Variants in EPAS1 observed in about 807,000 individuals in gnomAD.
The protein encoded by EPAS1 is endothelial PAS domain protein 1.
In EPAS1, 23 loss-of-function variants were observed where a neutral mutation model predicts 87.9. That is an observed-to-expected ratio of 0.26 (90% CI 0.19 to 0.37). The LOEUF is 0.37. Ranked by LOEUF, EPAS1 falls within the 10% of genes least tolerant of loss-of-function variation. The probability of loss-of-function intolerance (pLI) is 1.00; values close to 1 mark genes in which losing one functional copy is unlikely to be tolerated. For missense variants in EPAS1, 1,138 were observed against 1,120.7 expected, an observed-to-expected ratio of 1.02 and a Z score of -0.22; for synonymous variants, 508 against 444.3, an observed-to-expected ratio of 1.14 and a Z score of -1.80.
Position 46,380,326 on chromosome 2 carries a change from T to G in EPAS1, c.1654T>G (p.Leu552Val). The G allele has an allele frequency of 6.2e-7, 1 of 1,614,142 alleles. No individual in the cohort carries two copies. Among genetic ancestry groups the G allele is most frequent in the Non-Finnish European group, 8.5e-7 (1 of 1,180,010 alleles). ...CCCCATCTGCCCCGAGGAGCGGCTC[T>G]TGGCGGAGAACCCACAGTCCACCCC... ...LSPICPEERL[L>V]AENPQSTPQH... Residue 552 changes from leucine (L) to valine (V), a missense_variant, in exon 12 of 16, where the codon TTG (leucine) becomes GTG (valine). This residue lies in a region of EPAS1 where 502 missense variants were observed against 427.1 expected (regional missense o/e 1.18). Transcript: ENST00000263734. The surrounding 1 kb of genome is among the most constrained non-coding windows in gnomAD (Gnocchi z 4.4).
At position 46,361,098 on chromosome 2, in the gene EPAS1, G is replaced by T. The variant is rs201393458; in HGVS notation, c.779+8G>T. Reference sequence around the variant, plus strand: ...CACCTACTGTGATGACAGGTAGGGGGCCATGGGTGTGTATGCTGTGGGCAG... The same window carrying T: ...CACCTACTGTGATGACAGGTAGGGGTCCATGGGTGTGTATGCTGTGGGCAG... On this transcript the variant is annotated splice_region_variant and intron_variant, in intron 6 of 15. Coordinates refer to ENST00000263734, the MANE Select transcript of EPAS1 (RefSeq NM_001430.5). 2.0e-3 allele frequency: 3,289 copies of T among 1,613,904 alleles called. 6 individuals are homozygous for T. The highest frequency in any genetic ancestry group is 3.1e-3 in the Admixed American group (188 of 60,014).
rs1558608461 is a variant in EPAS1, at chr2:46,375,181, AAAAAAAAAC to A, written c.887-500_887-492del. Among the ~76,000 whole-genome samples the A allele has an allele frequency of 1.4e-5, 2 of 143,282 alleles. No individual in the cohort carries two copies. The highest frequency in any genetic ancestry group is 2.7e-5 in the African/African-American group (1 of 36,908). 94.0% of individuals were successfully genotyped at this position (143,282 alleles called of 152,430 possible). ...GGGTATTGGTGGTGGGTCTGCTGAA[AAAAAAAAAC>A]AAAAAAAAACAAAAAAAACTGCCCT... is the stretch of plus-strand genomic sequence containing the variant. On this transcript the variant is annotated intron_variant, in intron 7 of 15. Transcript: ENST00000263734. This position sits in a 1 kb window ranked among gnomAD's most constrained non-coding sequence, Gnocchi z 4.1.
chr2:46,385,534 T>C lies in EPAS1; in HGVS notation c.*874T>C, dbSNP rs745577789. ...CTTAGTGTTGTGGACACTGCAGACT[T>C]GTCCAGTGCTCCCACGGCCTGTACG... On this transcript the variant is annotated 3_prime_UTR_variant, in exon 16 of 16. Coordinates refer to ENST00000263734, the MANE Select transcript of EPAS1 (RefSeq NM_001430.5). The C allele has an allele frequency of 1.3e-5, 2 of 152,262 alleles. No individual in the cohort carries two copies. The highest frequency in any genetic ancestry group is 2.9e-5 in the Non-Finnish European group (2 of 68,050). The allele number at this position is 152,262 out of a possible 1,614,324, so 9.4% of individuals were successfully genotyped here. A position where few individuals can be genotyped will look rare whatever the true frequency, so the allele number is the denominator to read the frequency against.
intron 1 of EPAS1, among the ~76,000 whole-genome samples, chr2:46,302,868 T>C (rs1188009499): frequency 2.0e-5 from 3 of 151,956 alleles, no homozygotes; most frequent in African/African-American, 7.3e-5. Flanking sequence ...GGTCAGGAGT[T>C]TGAGACCAGC....
In EPAS1 at chr2:46,381,644, C is replaced by A. The variant is rs1254603553; in HGVS notation, c.2094C>A (p.Ala698=). ...GARGPDVLSP[A]MVALSNKLKL... The stretch of plus-strand genomic sequence containing the variant: ...GAGGCCCAGACGTGCTGAGTCCGGC[C>A]ATGGTAGCCCTCTCCAACAAGCTGA... Residue 698 remains alanine (A), a synonymous_variant, in exon 13 of 16, where the codon GCC becomes GCA. Coordinates refer to ENST00000263734, the MANE Select transcript of EPAS1 (RefSeq NM_001430.5). 6.2e-7 allele frequency: 1 copy of A among 1,614,042 alleles called. No homozygotes were observed. The highest frequency in any genetic ancestry group is 1.1e-5 in the South Asian group (1 of 91,080).
chr2:46,356,136 C>CA lies in EPAS1; in HGVS notation c.218-15_218-14insA, dbSNP rs747412289. ...CCACATTCATGCAAGCTGTCCCACC[C>CA]CCCCCCCTTTCCAGTTTGCTCTGAA... On this transcript the variant is annotated splice_polypyrimidine_tract_variant and intron_variant, in intron 2 of 15. Coordinates refer to ENST00000263734, the MANE Select transcript of EPAS1 (RefSeq NM_001430.5). The CA allele has an allele frequency of 1.0e-5, 13 of 1,275,030 alleles. No individual in the cohort carries two copies. The highest frequency in any genetic ancestry group is 4.8e-5 in the South Asian group (4 of 84,032). The allele number at this position is 1,275,030 out of a possible 1,614,324, so 79.0% of individuals were successfully genotyped here.
At chr2:46,324,334 T>A (rs1458267930) in intron 1 of EPAS1, among the ~76,000 whole-genome samples, 2 of 152,232 alleles carry the variant, frequency 1.3e-5, no homozygotes, top group East Asian at 3.8e-4. Flanking sequence ...CCCAAGGTGC[T>A]AGGATTACAG....
chr2:46,332,548 T>G (rs973967097), intron 1 of EPAS1, among the ~76,000 whole-genome samples: 2 of 151,922 alleles, frequency 1.3e-5, no homozygotes, highest in African/African-American at 4.8e-5. Context: ...AGGAGTAGAG[T>G]AGAGTGGACT....
At position 46,347,225 on chromosome 2, in the gene EPAS1, ATCTCTCT is replaced by A. The variant is rs1324922203; in HGVS notation, c.217+165_217+171del. ...AGTGATTTATTCCTTCATGTTAAACATCTCTCTTCCAGCAGTGACCTTTACCGTGAAT... is the reference window on the plus strand; with the variant it reads ...AGTGATTTATTCCTTCATGTTAAACATCCAGCAGTGACCTTTACCGTGAAT... On this transcript the variant is annotated intron_variant, in intron 2 of 15. Transcript: ENST00000263734. This position sits in a 1 kb window ranked among gnomAD's most constrained non-coding sequence, Gnocchi z 4.2. 4.5e-5 allele frequency: 35 copies of A among 773,832 alleles called. No individual in the cohort carries two copies. The highest frequency in any genetic ancestry group is 7.4e-5 in the Non-Finnish European group (34 of 460,122). 47.9% of individuals were successfully genotyped at this position (773,832 alleles called of 1,614,324 possible). A position where few individuals can be genotyped will look rare whatever the true frequency, so the allele number is the denominator to read the frequency against.
rs151143398 is a variant in EPAS1 at position 46,302,649 on chromosome 2, G to A, written c.26+4712G>A. On this transcript the variant is annotated intron_variant, in intron 1 of 15. Transcript: ENST00000263734. ...AGATGACAAACTTGTATTCAACACC[G>A]ACTCCTACTCTGGCTAAAATGCTGA... 5.5e-3 allele frequency among the ~76,000 whole-genome samples: 806 copies of A among 147,306 alleles called. 9 individuals carry two copies. Among genetic ancestry groups the A allele is most frequent in the African/African-American group, 0.019 (767 of 39,622 alleles).
chr2:46,371,444 C>T lies in EPAS1; in HGVS notation c.886+1511C>T, dbSNP rs115692270. On this transcript the variant is annotated intron_variant, in intron 7 of 15. Transcript: ENST00000263734. The surrounding 1 kb of genome is among the most constrained non-coding windows in gnomAD (Gnocchi z 4.3). ...CCATTATGATATCTCAGAGAAGTTT[C>T]TCACTGTGCTCTCTGGCAAAACACA... 0.012 allele frequency among the ~76,000 whole-genome samples: 1,796 copies of T among 152,258 alleles called. 17 individuals carry two copies. Among genetic ancestry groups the T allele is most frequent in the Non-Finnish European group, 0.019 (1,302 of 68,030 alleles).
In EPAS1 at chr2:46,371,048, A is replaced by G. The variant is rs190283571; in HGVS notation, c.886+1115A>G. 1.8e-3 allele frequency among the ~76,000 whole-genome samples: 277 copies of G among 152,332 alleles called. No individual in the cohort carries two copies. The highest frequency in any genetic ancestry group is 3.1e-3 in the Non-Finnish European group (212 of 68,028). ...ACAGAACAGGCACTAAATGCACTAT[A>G]TAAACCGATGGGCAAGACTGTATTT... On this transcript the variant is annotated intron_variant, in intron 7 of 15. Transcript: ENST00000263734. The surrounding 1 kb of genome is among the most constrained non-coding windows in gnomAD (Gnocchi z 4.3).
intron 1 of EPAS1, among the ~76,000 whole-genome samples, chr2:46,316,706 T>A (rs1204250202): frequency 6.6e-6 from 1 of 152,210 alleles, no homozygotes; most frequent in Admixed American, 6.5e-5. Flanking sequence ...AGTGTGACGG[T>A]TGCTGAAGGT....
intron 2 of EPAS1, among the ~76,000 whole-genome samples, chr2:46,353,673 C>A (rs1308857960): frequency 5.3e-5 from 8 of 152,218 alleles, no homozygotes; most frequent in Non-Finnish European, 2.9e-5. Context: ...ATCGCCCACA[C>A]CTGGGACATT....
At chr2:46,321,082 C>G (rs2104849351) in intron 1 of EPAS1, among the ~76,000 whole-genome samples, 1 of 152,312 alleles carries the variant, frequency 6.6e-6, no homozygotes, top group East Asian at 1.9e-4. Context: ...ATTCTACTTT[C>G]TCTATGAATA....
intron 2 of EPAS1, among the ~76,000 whole-genome samples, chr2:46,352,225 G>A (rs1017696071): frequency 1.3e-5 from 2 of 152,098 alleles, no homozygotes; most frequent in Admixed American, 6.5e-5. Context: ...ACCTACTCTG[G>A]GCTCCTCACT....
At position 46,297,812 on chromosome 2, in the gene EPAS1, A is replaced by G. The variant is rs1572608209; in HGVS notation, c.-100A>G. 2 of 1,515,596 alleles carry G rather than the reference A, an allele frequency of 1.3e-6. No homozygotes were observed. Among genetic ancestry groups the G allele is most frequent in the South Asian group, 1.2e-5 (1 of 83,608 alleles). 93.9% of individuals were successfully genotyped at this position (1,515,596 alleles called of 1,614,324 possible). A position where few individuals can be genotyped will look rare whatever the true frequency, so the allele number is the denominator to read the frequency against. ...CCTGCGCGCACCTCGGACCTTCACC[A>G]CCCGCCCGGGCCGCGGGGAGCGGAC... On this transcript the variant is annotated 5_prime_UTR_variant, in exon 1 of 16. Coordinates refer to ENST00000263734, the MANE Select transcript of EPAS1 (RefSeq NM_001430.5).
chr2:46,338,583 T>C (rs1350999099), intron 1 of EPAS1, among the ~76,000 whole-genome samples: 1 of 152,208 alleles, frequency 6.6e-6, no homozygotes, highest in Non-Finnish European at 1.5e-5. Flanking sequence ...GAAAGAACAC[T>C]TTATTTTTAC....
At chr2:46,314,677 T>C (rs576329529) in intron 1 of EPAS1, among the ~76,000 whole-genome samples, 2 of 152,362 alleles carry the variant, frequency 1.3e-5, no homozygotes, top group Non-Finnish European at 2.9e-5. Context: ...TCCTGACTCC[T>C]GTTTTCACAT....
Sources: allele counts gnomAD v4.1 joint callset (sites outside exome capture counted in the v4.1 genomes callset), GRCh38; gene constraint gnomAD v4.1.1; regional missense constraint gnomAD v4.1.1; non-coding constraint Gnocchi (gnomAD v3.1); transcripts MANE v1.5; gene names NCBI Gene and HGNC (gene_info 2026-07-23, HGNC 2026-07-21).